Variants in CFAP46 observed in about 807,000 individuals in gnomAD.
The protein encoded by CFAP46 is cilia and flagella associated protein 46, also known as cilia- and flagella-associated protein 46.
In CFAP46, 245 loss-of-function variants were observed where a neutral mutation model predicts 325.7. The observed-to-expected ratio is 0.75, with a 90% confidence interval of 0.68 to 0.84. CFAP46 has a LOEUF of 0.84. Among genes scored for constraint, CFAP46 ranks in the 40% least tolerant of loss-of-function variants. The pLI is 0.00. For synonymous variants in CFAP46, 1,523 were observed against 1,495.9 expected, an observed-to-expected ratio of 1.02 and a Z score of -0.42; for missense variants, 3,346 against 3,543.0, an observed-to-expected ratio of 0.94 and a Z score of 1.41.
intron 24 of CFAP46, among the ~76,000 whole-genome samples, chr10:132,894,584 C>CA (rs140875977): frequency 0.013 from 1,799 of 142,938 alleles, 14 homozygotes; most frequent in Non-Finnish European, 0.02. Context: ...AGCTAACTGA[C>CA]AAAAAAAAAA....
chr10:132,902,971 T>C (rs1849411108), intron 22 of CFAP46, among the ~76,000 whole-genome samples: 1 of 149,186 alleles, frequency 6.7e-6, no homozygotes. Flanking sequence ...ATTGCTAAGG[T>C]GTGTCTTTCT....
intron 50 of CFAP46, among the ~76,000 whole-genome samples, chr10:132,823,844 T>A (rs946128008): frequency 2.1e-5 from 3 of 140,914 alleles, no homozygotes; most frequent in Non-Finnish European, 4.6e-5. Context: ...CTGTATGTTG[T>A]GTGAGTGCTG....
Position 132,812,789 on chromosome 10 carries a change from C to T in CFAP46, c.7497G>A (p.Leu2499=), listed in dbSNP as rs3750587. The T allele has an allele frequency of 2.0e-5, 33 of 1,610,896 alleles. No homozygotes were observed. The highest frequency in any genetic ancestry group is 2.8e-5 in the Non-Finnish European group (33 of 1,178,792). The change falls in exon 55 of 58, where the codon TTG becomes TTA. Residue 2499 remains leucine (L), a synonymous_variant. Transcript: ENST00000368586. ...TGCTGAGAGGACACCTCTCACCTTG[C>T]AAGTTCATGGCGACCAATCTCTCCA... ...ILVERLVAMN[L]QECQVAVLLD...
Position 132,808,698 on chromosome 10 carries a change from G to C in CFAP46, c.7871C>G (p.Pro2624Arg). 6.4e-7 allele frequency: 1 copy of C among 1,569,714 alleles called. No individual in the cohort carries two copies. Among genetic ancestry groups the C allele is most frequent in the Admixed American group, 1.9e-5 (1 of 52,514 alleles). The change falls in exon 58 of 58, where the codon CCG (proline) becomes CGG (arginine). Residue 2624 changes from proline (P) to arginine (R), a missense_variant. By Grantham distance (103) the Pro-to-Arg change is moderately radical. Coordinates refer to ENST00000368586, the MANE Select transcript of CFAP46 (RefSeq NM_001200049.3). This position sits in a 1 kb window ranked among gnomAD's most constrained non-coding sequence, Gnocchi z 6.8. ...GAGCTGGGAGCTGGGGATGGGAGCC[G>C]GGAGGTGGGGATGGGTTGGCAGAGG... Reference protein sequence around the residue: ...SAPLPTHPHLPAPIPSSQLAL... With the variant: ...SAPLPTHPHLRAPIPSSQLAL...
intron 24 of CFAP46, chr10:132,898,481 T>TTGCCCCATCCCCTGGGC (rs1849346873): frequency 3.4e-6 from 1 of 296,558 alleles, no homozygotes; most frequent in Non-Finnish European, 6.6e-6. Context: ...CCTCCCTGGG[T>TTGCCCCATCCCCTGGGC]TGCCCCATCC....
chr10:132,899,420 C>G, intron 23 of CFAP46, 115 bp downstream of exon 23: 1 of 1,391,508 alleles, frequency 7.2e-7, no homozygotes, highest in South Asian at 1.5e-5. Flanking sequence ...CACCTCCCCT[C>G]GCCGGCAGGA....
chr10:132,919,458 C>A lies in CFAP46; in HGVS notation c.1731-16G>T. 1.3e-6 allele frequency: 2 copies of A among 1,542,870 alleles called. No individual in the cohort carries two copies. Among genetic ancestry groups the A allele is most frequent in the Admixed American group, 2.0e-5 (1 of 49,292 alleles). On this transcript the variant is annotated splice_polypyrimidine_tract_variant and intron_variant, in intron 14 of 57. Transcript: ENST00000368586. This position sits in a 1 kb window ranked among gnomAD's most constrained non-coding sequence, Gnocchi z 9.7. ...AATCTGTATCCTGCTCACCGAGAAC[C>A]CAAACGAGTGAAAGGTGAGTAGACA...
chr10:132,931,145 C>T (rs1430161305), intron 8 of CFAP46, among the ~76,000 whole-genome samples: 1 of 78,670 alleles, frequency 1.3e-5, no homozygotes, highest in African/African-American at 5.5e-5. Flanking sequence ...CCACGCAGAG[C>T]CTGGACCTTC....
intron 22 of CFAP46, among the ~76,000 whole-genome samples, chr10:132,906,951 G>A (rs1173636276): frequency 6.6e-6 from 1 of 152,266 alleles, no homozygotes; most frequent in Non-Finnish European, 1.5e-5. Flanking sequence ...CCAGTCCTGA[G>A]CACTGGCCTG....
intron 55 of CFAP46, among the ~76,000 whole-genome samples, chr10:132,811,336 G>A (rs1239322524): frequency 6.6e-6 from 1 of 152,190 alleles, no homozygotes; most frequent in Non-Finnish European, 1.5e-5. Context: ...AGGGCATCTC[G>A]GCACCCCCAC....
chr10:132,851,075 C>CTG (rs1848533886), intron 40 of CFAP46, 42 bp downstream of exon 40: 1 of 1,610,100 alleles, frequency 6.2e-7, no homozygotes, highest in South Asian at 1.1e-5. Context: ...GCACTGTGGC[C>CTG]TGGCGCTCCC....
At position 132,895,913 on chromosome 10, in the gene CFAP46, CGGTGAGAA is replaced by C. The variant is rs1564793214; in HGVS notation, c.3219+3038_3219+3045del. Among the ~76,000 whole-genome samples the C allele has an allele frequency of 3.3e-4, 24 of 73,436 alleles. 1 individual carries two copies. Among genetic ancestry groups the C allele is most frequent in the African/African-American group, 1.1e-3 (22 of 19,798 alleles). 48.2% of individuals were successfully genotyped at this position (73,436 alleles called of 152,430 possible). Reference sequence around the variant, plus strand: ...TCCTTCTGTGTGCCACATGAAGACACGGTGAGAAGGCAGCCAGGCTCTGTGTGCCATGA... The same window carrying C: ...TCCTTCTGTGTGCCACATGAAGACACGGCAGCCAGGCTCTGTGTGCCATGA... On this transcript the variant is annotated intron_variant, in intron 24 of 57. Transcript: ENST00000368586.
Position 132,932,027 on chromosome 10 carries a change from C to G in CFAP46, c.867-2223G>C, listed in dbSNP as rs879008402. ...CTCCCCACACAGAGGCTGGGCCTCC[C>G]CAGACTTCTCACACAAAGCCTGGGC... On this transcript the variant is annotated intron_variant, in intron 8 of 57. Coordinates refer to ENST00000368586, the MANE Select transcript of CFAP46 (RefSeq NM_001200049.3). 4.2e-5 allele frequency among the ~76,000 whole-genome samples: 6 copies of G among 142,162 alleles called. No individual in the cohort carries two copies. In the South Asian group the frequency reaches 7.1e-4, roughly 17 times the overall value. 93.3% of individuals were successfully genotyped at this position (142,162 alleles called of 152,430 possible).
intron 50 of CFAP46, among the ~76,000 whole-genome samples, chr10:132,816,733 T>C (rs1847703216): frequency 6.6e-6 from 1 of 152,242 alleles, no homozygotes; most frequent in African/African-American, 2.4e-5. Context: ...AAGTTATGTT[T>C]AGCAACATCT....
In CFAP46 at chr10:132,876,103, A is replaced by G. The variant is rs181031775; in HGVS notation, c.4362+709T>C. On this transcript the variant is annotated intron_variant, in intron 31 of 57. Coordinates refer to ENST00000368586, the MANE Select transcript of CFAP46 (RefSeq NM_001200049.3). The surrounding 1 kb of genome is among the most constrained non-coding windows in gnomAD (Gnocchi z 4.1). Reference sequence around the variant, plus strand: ...GGACCTCCAAGGATAGGAAGCACTGAAGGCCAACCTCACTGTGGCCAGGGG... The same window carrying G: ...GGACCTCCAAGGATAGGAAGCACTGGAGGCCAACCTCACTGTGGCCAGGGG... Among the ~76,000 whole-genome samples, 1 of 152,384 alleles carries G rather than the reference A, an allele frequency of 6.6e-6. No individual in the cohort carries two copies. The highest frequency in any genetic ancestry group is 1.9e-4 in the East Asian group (1 of 5,192).
At chr10:132,858,317 A>AGGT (rs1848675131) in intron 38 of CFAP46, among the ~76,000 whole-genome samples, 2 of 104,086 alleles carry the variant, frequency 1.9e-5, no homozygotes, top group Admixed American at 1.1e-4. Context: ...GGGCGGGGCC[A>AGGT]TGGAGGCTTT....
rs12416333 is a variant in CFAP46, at chr10:132,923,411, A to C, written c.1257-703T>G. Among the ~76,000 whole-genome samples the C allele has an allele frequency of 1.5e-3, 79 of 54,034 alleles. 1 individual carries two copies. The highest frequency in any genetic ancestry group is 0.02 in the Middle Eastern group (1 of 50). 35.4% of individuals were successfully genotyped at this position (54,034 alleles called of 152,430 possible). On this transcript the variant is annotated intron_variant, in intron 11 of 57. Transcript: ENST00000368586. Reference sequence around the variant, plus strand: ...GCAGCCCATGTGGGGGTGCCCTGGAACCCCTGGCCTTGAGCAGCCATGTGG... The same window carrying C: ...GCAGCCCATGTGGGGGTGCCCTGGACCCCCTGGCCTTGAGCAGCCATGTGG...
chr10:132,933,257 G>A (rs1849941499), intron 8 of CFAP46, among the ~76,000 whole-genome samples: 2 of 149,718 alleles, frequency 1.3e-5, no homozygotes, highest in Admixed American at 1.3e-4. Context: ...TGGCAGGCCT[G>A]GCATCACAAC....
chr10:132,929,540 T>C, intron 9 of CFAP46, 165 bp downstream of exon 9: 1 of 796,314 alleles, frequency 1.3e-6, no homozygotes. Flanking sequence ...ACCATCTAAC[T>C]GCAACTGTGC....
Sources: allele counts gnomAD v4.1 joint callset (sites outside exome capture counted in the v4.1 genomes callset), GRCh38; gene constraint gnomAD v4.1.1; non-coding constraint Gnocchi (gnomAD v3.1); transcripts MANE v1.5; gene names NCBI Gene and HGNC (gene_info 2026-07-23, HGNC 2026-07-21).